The following PTPN9 variants were observed in gnomAD, a reference collection of about 807,000 sequenced individuals.
PTPN9 encodes tyrosine-protein phosphatase non-receptor type 9.
In PTPN9, 26 loss-of-function variants were observed where a neutral mutation model predicts 69.8. The ratio of observed to expected loss-of-function variants is 0.37; its 90% CI spans 0.27 to 0.52. The LOEUF (loss-of-function observed/expected upper bound fraction) is 0.52, where lower values mean the gene tolerates loss of function less well. Among genes scored for constraint, PTPN9 ranks in the 20% least tolerant of loss-of-function variants. PTPN9 has a pLI of 0.91. For synonymous variants in PTPN9, 274 were observed against 272.5 expected (o/e 1.01, Z -0.05); for missense variants, 549 against 740.3 (o/e 0.74, Z 3.00).
At chr15:75,548,600 G>C (rs1379455594) in intron 1 of PTPN9, among the ~76,000 whole-genome samples, 1 of 150,746 alleles carries the variant, frequency 6.6e-6, no homozygotes, top group Admixed American at 6.6e-5. Flanking sequence ...TGGTGGTATT[G>C]CTTTTTTGTT....
rs1366629650 is a variant in PTPN9, at chr15:75,524,280, C to G, written c.226G>C (p.Gly76Arg). Residue 76 changes from glycine (G) to arginine (R), a missense_variant, in exon 3 of 13, where the codon GGC becomes CGC. Physicochemically the swap from Gly to Arg is moderately radical, Grantham distance 125. Around this residue, in one of 3 missense-constraint regions of PTPN9, gnomAD observed 457 missense variants for 661.9 expected, o/e 0.69. Transcript: ENST00000618819. ...HSYRETRRKE[G>R]IVKLKPHEEP... is the part of the protein sequence containing the mutation. ...TCATGAGGTTTCAGCTTTACAATGC[C>G]TTCCTTCCTTCGAGTTTCCTAAAAA... 1 of 1,611,200 alleles carries G rather than the reference C, an allele frequency of 6.2e-7. No individual in the cohort carries two copies.
At chr15:75,542,437 C>T (rs1377044738) in intron 1 of PTPN9, among the ~76,000 whole-genome samples, 5 of 152,078 alleles carry the variant, frequency 3.3e-5, no homozygotes, top group Admixed American at 2.6e-4. Context: ...AAGCATTATG[C>T]AAGAACCCAA....
At chr15:75,532,315 T>G (rs953833008) in intron 1 of PTPN9, among the ~76,000 whole-genome samples, 3 of 151,654 alleles carry the variant, frequency 2.0e-5, no homozygotes, top group African/African-American at 4.9e-5. Flanking sequence ...GGCAGTAGAA[T>G]CGCTTGAACC....
chr15:75,513,242 G>A (rs1220463206), intron 5 of PTPN9: 1 of 455,430 alleles, frequency 2.2e-6, no homozygotes, highest in Admixed American at 2.4e-5. Context: ...TGTTTTCCTA[G>A]AATGGTTTTT....
intron 6 of PTPN9, among the ~76,000 whole-genome samples, chr15:75,508,057 A>G (rs2074829170): frequency 1.3e-5 from 2 of 151,462 alleles, no homozygotes; most frequent in South Asian, 2.1e-4. Flanking sequence ...AAAAAAAAAA[A>G]AAAAAAAGAA....
At chr15:75,479,990 G>T in intron 8 of PTPN9, 76 bp from the exon 9 acceptor site, 1 of 1,028,334 alleles carries the variant, frequency 9.7e-7, no homozygotes, top group Non-Finnish European at 1.4e-6. Flanking sequence ...TACTCAGTAA[G>T]TAAAACCCAA....
intron 1 of PTPN9, among the ~76,000 whole-genome samples, chr15:75,565,237 T>C (rs1016159686): frequency 1.3e-5 from 2 of 152,086 alleles, no homozygotes; most frequent in Admixed American, 6.6e-5. Context: ...ATGATGGTTA[T>C]GCTATAAAAC....
intron 5 of PTPN9, among the ~76,000 whole-genome samples, chr15:75,511,193 C>T (rs548080408): frequency 1.9e-4 from 29 of 152,200 alleles, no homozygotes; most frequent in Admixed American, 6.5e-4. Flanking sequence ...CTATTTTCCA[C>T]ATTGTTTCCA....
At chr15:75,502,585 A>G (rs2074779720) in intron 7 of PTPN9, among the ~76,000 whole-genome samples, 1 of 152,156 alleles carries the variant, frequency 6.6e-6, no homozygotes, top group Non-Finnish European at 1.5e-5. Context: ...TACGAGCCAG[A>G]GTTATAAACT....
chr15:75,488,136 C>G (rs553137131), intron 8 of PTPN9, among the ~76,000 whole-genome samples: 33 of 152,082 alleles, frequency 2.2e-4, no homozygotes, highest in Non-Finnish European at 4.6e-4. Context: ...CAAAAATTAG[C>G]CGGGCATGGT....
chr15:75,530,154 C>T (rs1441645073), intron 1 of PTPN9, among the ~76,000 whole-genome samples: 5 of 139,282 alleles, frequency 3.6e-5, no homozygotes, highest in South Asian at 4.5e-4. Flanking sequence ...GAGCCAAGAT[C>T]GCACCACTGC....
At chr15:75,495,870 G>C (rs925284285) in intron 7 of PTPN9, among the ~76,000 whole-genome samples, 2 of 152,168 alleles carry the variant, frequency 1.3e-5, no homozygotes, top group Non-Finnish European at 2.9e-5. Context: ...AGGTGTAGTG[G>C]CTCATTCCTG....
intron 8 of PTPN9, among the ~76,000 whole-genome samples, chr15:75,486,733 G>A (rs2074679675): frequency 6.7e-6 from 1 of 148,464 alleles, no homozygotes; most frequent in African/African-American, 2.5e-5. Flanking sequence ...TATTTTAAGT[G>A]TTTTCACCAC....
At chr15:75,524,432 A>T in intron 2 of PTPN9, 134 bp from the exon 3 acceptor site, 1 of 532,474 alleles carries the variant, frequency 1.9e-6, no homozygotes, top group South Asian at 2.6e-5. Flanking sequence ...TAACTAAATA[A>T]ATTTTGTAAC....
intron 9 of PTPN9, among the ~76,000 whole-genome samples, chr15:75,474,526 A>T (rs1246570639): frequency 6.6e-6 from 1 of 152,134 alleles, no homozygotes; most frequent in Non-Finnish European, 1.5e-5. Flanking sequence ...CTCAAAAAAA[A>T]AAAAAATTAG....
intron 1 of PTPN9, among the ~76,000 whole-genome samples, chr15:75,551,910 C>T (rs746693145): frequency 3.3e-5 from 5 of 151,260 alleles, no homozygotes; most frequent in Admixed American, 1.3e-4. Flanking sequence ...TGGTGGTGCA[C>T]GCCTGTAGTC....
At chr15:75,503,370 G>A (rs28402820) in intron 7 of PTPN9, among the ~76,000 whole-genome samples, 4 of 140,422 alleles carry the variant, frequency 2.8e-5, no homozygotes, top group African/African-American at 1.1e-4. Context: ...CAGCCGCCCC[G>A]TCTGAGAAGT....
At chr15:75,503,667 C>A (rs2074790728) in intron 7 of PTPN9, among the ~76,000 whole-genome samples, 2 of 128,368 alleles carry the variant, frequency 1.6e-5, no homozygotes, top group African/African-American at 3.0e-5. Flanking sequence ...GCCGCCCCTA[C>A]TGGGAAGTGA....
intron 7 of PTPN9, among the ~76,000 whole-genome samples, chr15:75,490,628 ATC>A (rs1477541802): frequency 6.6e-6 from 1 of 150,420 alleles, no homozygotes; most frequent in East Asian, 1.9e-4. Flanking sequence ...ATGAGAGCTT[ATC>A]TCTTTTTTTT....
Sources: gnomAD v4.1 joint callset for allele counts (sites outside exome capture counted in the v4.1 genomes callset) on GRCh38, gnomAD v4.1.1 for gene constraint, gnomAD v4.1.1 regional missense constraint, MANE v1.5 for transcripts, NCBI Gene and HGNC (gene_info 2026-07-23, HGNC 2026-07-21) for gene names.